SH2D3C: variants seen among roughly 807,000 people sequenced by gnomAD.
SH2D3C encodes SH2 domain-containing protein 3C.
SH2D3C carries 25 observed loss-of-function variants against 75.2 expected under a neutral mutation model. The ratio of observed to expected loss-of-function variants is 0.33; its 90% CI spans 0.24 to 0.46. The LOEUF is 0.46. Among genes scored for constraint, SH2D3C ranks in the 20% least tolerant of loss-of-function variants. SH2D3C has a pLI of 1.00. For missense variants in SH2D3C, 933 were observed against 1,165.3 expected (o/e 0.80, Z 2.90); for synonymous variants, 450 against 473.7 (o/e 0.95, Z 0.65).
chr9:127,755,127 C>T (rs1845337069), intron 3 of SH2D3C: 1 of 1,220,718 alleles, frequency 8.2e-7, no homozygotes, highest in Non-Finnish European at 1.0e-6. Context: ...CGGCGGCCGA[C>T]AGGGCACTCC....
chr9:127,749,167 C>T lies in SH2D3C; in HGVS notation c.1139+44G>A, dbSNP rs761848242. 58 of 1,396,116 alleles carry T rather than the reference C, an allele frequency of 4.2e-5. No individual in the cohort carries two copies. The highest frequency in any genetic ancestry group is 5.2e-5 in the Non-Finnish European group (53 of 1,026,376). The allele number at this position is 1,396,116 out of a possible 1,614,324, so 86.5% of individuals were successfully genotyped here. ...AGGCCTTCTCTTTCTCACTAGCCCT[C>T]TCATTACCCACAACCCCATTTGACA... On this transcript the variant is annotated intron_variant, in intron 5 of 11. Coordinates refer to ENST00000314830, the MANE Select transcript of SH2D3C (RefSeq NM_170600.3). The surrounding 1 kb of genome is among the most constrained non-coding windows in gnomAD (Gnocchi z 5.9).
At chr9:127,758,421 GA>G (rs1003791870) in intron 3 of SH2D3C, among the ~76,000 whole-genome samples, 2 of 151,692 alleles carry the variant, frequency 1.3e-5, no homozygotes, top group South Asian at 2.1e-4. Context: ...TAAACTAAAG[GA>G]AAAAAATATA....
At chr9:127,761,317 TG>T (rs1480071244) in intron 3 of SH2D3C, among the ~76,000 whole-genome samples, 6 of 152,130 alleles carry the variant, frequency 3.9e-5, no homozygotes, top group African/African-American at 1.2e-4. Context: ...ATCCTTTACA[TG>T]GAGACACTGT....
intron 5 of SH2D3C, among the ~76,000 whole-genome samples, chr9:127,747,543 T>C (rs1181162088): frequency 2.0e-5 from 3 of 151,848 alleles, no homozygotes; most frequent in African/African-American, 7.3e-5. Flanking sequence ...TTTTTTGTTT[T>C]TTTTTTCGGA....
intron 9 of SH2D3C, 47 bp downstream of exon 9, chr9:127,741,741 T>C: frequency 6.3e-7 from 1 of 1,588,332 alleles, no homozygotes; most frequent in Non-Finnish European, 8.6e-7. Context: ...ACCCCAGGGC[T>C]CTTCCAGACA....
At chr9:127,767,032 C>A in intron 2 of SH2D3C, 3 of 1,536,196 alleles carry the variant, frequency 2.0e-6, no homozygotes, top group Non-Finnish European at 2.6e-6. Flanking sequence ...GGATTCCCTG[C>A]CGGGAAGGCT....
intron 10 of SH2D3C, 36 bp downstream of exon 10, chr9:127,740,222 C>CTGCAGCCCTCCCTGGGGT: frequency 1.9e-6 from 3 of 1,546,186 alleles, no homozygotes; most frequent in Non-Finnish European, 2.7e-6. Flanking sequence ...CCAGGGAGGG[C>CTGCAGCCCTCCCTGGGGT]TGCAGCCTGT....
chr9:127,760,112 G>A (rs530139289), intron 3 of SH2D3C, among the ~76,000 whole-genome samples: 20 of 152,172 alleles, frequency 1.3e-4, no homozygotes, highest in African/African-American at 2.4e-4. Context: ...GAGACAGAGC[G>A]AGATCTTTTA....
intron 1 of SH2D3C, among the ~76,000 whole-genome samples, chr9:127,775,545 T>C (rs1845797272): frequency 6.6e-6 from 1 of 152,042 alleles, no homozygotes; most frequent in South Asian, 2.1e-4. Context: ...GATAATAGCC[T>C]GAATCCTGGA....
At position 127,740,251 on chromosome 9, in the gene SH2D3C, G is replaced by A. The variant is rs770970594; in HGVS notation, c.2200+7C>T. ...AGCCTGTCCAAGGTCACGCAACAAG[G>A]AAGTACCTTTGCCCTCGTTGAGGCT... On this transcript the variant is annotated splice_region_variant and intron_variant, in intron 10 of 11. Transcript: ENST00000314830. The A allele has an allele frequency of 1.2e-6, 2 of 1,611,850 alleles. No individual in the cohort carries two copies. The highest frequency in any genetic ancestry group is 1.7e-6 in the Non-Finnish European group (2 of 1,178,172).
At chr9:127,741,201 T>C (rs556905461) in intron 9 of SH2D3C, among the ~76,000 whole-genome samples, 2 of 152,024 alleles carry the variant, frequency 1.3e-5, no homozygotes, top group African/African-American at 2.4e-5. Context: ...ACCTAGCCTA[T>C]AGGAAATACT....
intron 2 of SH2D3C, 91 bp downstream of exon 2, chr9:127,773,899 C>G (rs1159829103): frequency 5.4e-6 from 4 of 746,992 alleles, no homozygotes; most frequent in Non-Finnish European, 8.7e-6. Flanking sequence ...GCCTGAGAGA[C>G]AGAGCGACAC....
intron 3 of SH2D3C, chr9:127,755,010 A>T: frequency 1.3e-6 from 1 of 763,706 alleles, no homozygotes; most frequent in Non-Finnish European, 1.7e-6. Flanking sequence ...GGCTGGCTCT[A>T]GGGCCCCGGG....
At chr9:127,759,452 G>A (rs972525425) in intron 3 of SH2D3C, among the ~76,000 whole-genome samples, 1 of 152,180 alleles carries the variant, frequency 6.6e-6, no homozygotes, top group African/African-American at 2.4e-5. Context: ...CTGACCTCAG[G>A]TGATCTGCCC....
At chr9:127,771,553 T>G in intron 2 of SH2D3C, 2 of 344,298 alleles carry the variant, frequency 5.8e-6, no homozygotes, top group Non-Finnish European at 1.0e-5. Context: ...CAACGCTCGC[T>G]TCCCCAGCAG....
chr9:127,777,983 CTTTA>C (rs951627819), intron 1 of SH2D3C, among the ~76,000 whole-genome samples: 1 of 151,602 alleles, frequency 6.6e-6, no homozygotes, highest in African/African-American at 2.4e-5. Context: ...TTTTATTTTA[CTTTA>C]TTTATTTACT....
chr9:127,748,972 G>A (rs1845113841), intron 5 of SH2D3C, among the ~76,000 whole-genome samples: 2 of 152,194 alleles, frequency 1.3e-5, no homozygotes, highest in African/African-American at 4.8e-5. Flanking sequence ...AGAGGTGACA[G>A]GGTCAAGGGC....
rs142360749 is a variant in SH2D3C, at chr9:127,738,530, G to A, written c.*216C>T. The A allele has an allele frequency of 4.1e-3, 1,695 of 413,700 alleles. 7 individuals carry two copies. Among genetic ancestry groups the A allele is most frequent in the Middle Eastern group, 9.6e-3 (15 of 1,560 alleles). 25.6% of individuals were successfully genotyped at this position (413,700 alleles called of 1,614,324 possible). ...AGCAAAAGCTGGTGGGGGAACCGGC[G>A]TTCCTGTTCTTCCTCAATGGAGACC... is the stretch of plus-strand genomic sequence containing the variant. On this transcript the variant is annotated 3_prime_UTR_variant, in exon 12 of 12. Coordinates refer to ENST00000314830, the MANE Select transcript of SH2D3C (RefSeq NM_170600.3). This position sits in a 1 kb window ranked among gnomAD's most constrained non-coding sequence, Gnocchi z 5.0.
At chr9:127,767,597 G>A (rs541157137) in intron 2 of SH2D3C, among the ~76,000 whole-genome samples, 1 of 152,336 alleles carries the variant, frequency 6.6e-6, no homozygotes, top group South Asian at 2.1e-4. Flanking sequence ...AAATGGGGTG[G>A]AGCCTGAGAG....
Sources: gnomAD v4.1 joint callset for allele counts (sites outside exome capture counted in the v4.1 genomes callset) on GRCh38, gnomAD v4.1.1 for gene constraint, Gnocchi (gnomAD v3.1) non-coding constraint, MANE v1.5 for transcripts, NCBI Gene and HGNC (gene_info 2026-07-23, HGNC 2026-07-21) for gene names.